The following PCDHA6 variants were observed in gnomAD, a reference collection of about 807,000 sequenced individuals.
PCDHA6 encodes protocadherin alpha-6.
PCDHA6 carries 55 observed loss-of-function variants against 60.3 expected under a neutral mutation model. That is an observed-to-expected ratio of 0.91 (90% CI 0.73 to 1.14). The LOEUF (loss-of-function observed/expected upper bound fraction) is 1.14. PCDHA6 is among the 50% of genes most tolerant of loss of function. The pLI is 0.00. For synonymous variants in PCDHA6, 652 were observed against 557.9 expected (o/e 1.17, Z -2.38); for missense variants, 1,327 against 1,256.5 (o/e 1.06, Z -0.85).
intron 1 of PCDHA6, among the ~76,000 whole-genome samples, chr5:140,942,271 A>G (rs1421470016): frequency 6.6e-6 from 1 of 152,184 alleles, no homozygotes; most frequent in Non-Finnish European, 1.5e-5. Context: ...AAAGCTGGTA[A>G]TGGTGGCTCA....
rs1395280300 is a variant in PCDHA6, at chr5:140,857,152, T to C, written c.2394+26667T>C. ...AAGATGCTCAAGTGGGCACCGTCAT[T>C]GCCCTAATCAGCGTTTCTGACCATG... On this transcript the variant is annotated intron_variant, in intron 1 of 3. Coordinates refer to ENST00000529310, the MANE Select transcript of PCDHA6 (RefSeq NM_018909.4). The C allele has an allele frequency of 3.8e-6, 6 of 1,598,324 alleles. 1 individual carries two copies. In the Admixed American group the frequency reaches 8.4e-5, roughly 22 times the overall value.
chr5:140,843,262 G>T (rs2150356218), intron 1 of PCDHA6: 4 of 1,596,090 alleles, frequency 2.5e-6, no homozygotes, highest in Admixed American at 1.7e-5. Flanking sequence ...GCCACCGTCT[G>T]CTGGTCCTGG....
rs2096268798 is a variant in PCDHA6 at position 140,968,765 on chromosome 5, G to A, written c.2395-10184G>A. 8.1e-6 allele frequency: 13 copies of A among 1,614,078 alleles called. No homozygotes were observed. The East Asian group carries it at 2.2e-4, about 28-fold the overall frequency. On this transcript the variant is annotated intron_variant, in intron 1 of 3. Transcript: ENST00000529310. Reference sequence around the variant, plus strand: ...GACCGTGGTGGTCCGAGATAATGGAGAGCCATCACTATCAGCCTCTGTGGC... The same window carrying A: ...GACCGTGGTGGTCCGAGATAATGGAAAGCCATCACTATCAGCCTCTGTGGC...
In PCDHA6 at chr5:140,900,301, C is replaced by CAG. The variant is rs1168626144; in HGVS notation, c.2394+69817_2394+69818dup. Among the ~76,000 whole-genome samples the CAG allele has an allele frequency of 1.4e-4, 22 of 152,156 alleles. No homozygotes were observed. The East Asian group carries it at 4.1e-3, about 28-fold the overall frequency. On this transcript the variant is annotated intron_variant, in intron 1 of 3. Coordinates refer to ENST00000529310, the MANE Select transcript of PCDHA6 (RefSeq NM_018909.4). ...ACACTTTCTTTTCTGTTTTTTTAGACAGTCTCACTTTTGTCGCCCAGGCTG... is the reference window on the plus strand; with the variant it reads ...ACACTTTCTTTTCTGTTTTTTTAGACAGAGTCTCACTTTTGTCGCCCAGGCTG...
chr5:140,970,881 C>T (rs1316692542), intron 1 of PCDHA6, among the ~76,000 whole-genome samples: 1 of 152,050 alleles, frequency 6.6e-6, no homozygotes, highest in Non-Finnish European at 1.5e-5. Flanking sequence ...GTAGATTTTT[C>T]TCATGGACAT....
Position 140,876,990 on chromosome 5 carries a change from C to T in PCDHA6, c.2394+46505C>T, listed in dbSNP as rs374520504. The T allele has an allele frequency of 2.2e-5, 35 of 1,612,500 alleles. No individual in the cohort carries two copies. In the South Asian group the frequency reaches 2.9e-4, roughly 13 times the overall value. On this transcript the variant is annotated intron_variant, in intron 1 of 3. Coordinates refer to ENST00000529310, the MANE Select transcript of PCDHA6 (RefSeq NM_018909.4). ...GGGTGGGCGAGCACGCACTGTCGAG[C>T]TACGTGTCGGTGCACGCGGAGAGCG... is the stretch of plus-strand genomic sequence containing the variant.
intron 1 of PCDHA6, chr5:140,843,324 C>T: frequency 6.3e-7 from 1 of 1,596,010 alleles, no homozygotes; most frequent in Non-Finnish European, 8.6e-7. Flanking sequence ...GTTCTGGTGT[C>T]GCTGGTGGAG....
At position 140,883,814 on chromosome 5, in the gene PCDHA6, A is replaced by C. The variant is rs782678422; in HGVS notation, c.2394+53329A>C. 6.2e-7 allele frequency: 1 copy of C among 1,612,478 alleles called. No homozygotes were observed. ...CGTGTCGGTGCACGCGGAGAGCGGC[A>C]AGGTGTACGCGCTGCAGCCGTTGGA... On this transcript the variant is annotated intron_variant, in intron 1 of 3. Coordinates refer to ENST00000529310, the MANE Select transcript of PCDHA6 (RefSeq NM_018909.4).
chr5:140,925,878 ACCT>A (rs1554202987), intron 1 of PCDHA6, among the ~76,000 whole-genome samples: 1 of 151,658 alleles, frequency 6.6e-6, no homozygotes. Flanking sequence ...CTGGTTTATA[ACCT>A]CCTCTTTCAC....
chr5:140,857,861 T>A lies in PCDHA6; in HGVS notation c.2394+27376T>A, dbSNP rs890760526. 6.3e-7 allele frequency: 1 copy of A among 1,597,494 alleles called. No homozygotes were observed. The highest frequency in any genetic ancestry group is 2.2e-5 in the East Asian group (1 of 44,806). ...GGACGCTGACTCTGGATACAACGCGTGGCTGTCGTATGAATTGCAGTCGGC... is the reference window on the plus strand; with the variant it reads ...GGACGCTGACTCTGGATACAACGCGAGGCTGTCGTATGAATTGCAGTCGGC... On this transcript the variant is annotated intron_variant, in intron 1 of 3. Transcript: ENST00000529310.
chr5:140,890,096 C>T (rs967857035), intron 1 of PCDHA6, among the ~76,000 whole-genome samples: 1 of 152,124 alleles, frequency 6.6e-6, no homozygotes, highest in Non-Finnish European at 1.5e-5. Flanking sequence ...AAATTTATTC[C>T]CAACTCTGGA....
At chr5:140,852,799 C>A in intron 1 of PCDHA6, 3 of 976,698 alleles carry the variant, frequency 3.1e-6, no homozygotes, top group Non-Finnish European at 3.7e-6. Context: ...CTACAGATGT[C>A]ATTTGTCTCC....
chr5:140,882,998 C>T, intron 1 of PCDHA6: 1 of 1,614,066 alleles, frequency 6.2e-7, no homozygotes. Context: ...GGAATTTTAC[C>T]AATCCGTTTA....
At chr5:140,967,942 A>G in intron 1 of PCDHA6, 1 of 1,614,226 alleles carries the variant, frequency 6.2e-7, no homozygotes, top group Non-Finnish European at 8.5e-7. Context: ...TCAATGACCA[A>G]GACTCAGGCC....
At chr5:140,997,762 A>G (rs2097784598) in intron 3 of PCDHA6, among the ~76,000 whole-genome samples, 1 of 152,118 alleles carries the variant, frequency 6.6e-6, no homozygotes, top group Non-Finnish European at 1.5e-5. Context: ...GAGTAAGGAT[A>G]TAGCACTATG....
intron 1 of PCDHA6, among the ~76,000 whole-genome samples, chr5:140,959,596 A>G (rs2095498979): frequency 6.6e-6 from 1 of 152,224 alleles, no homozygotes; most frequent in Non-Finnish European, 1.5e-5. Flanking sequence ...AGCCAAGTAT[A>G]ACATGCTTTT....
At chr5:140,875,588 C>T in intron 1 of PCDHA6, 1 of 1,613,954 alleles carries the variant, frequency 6.2e-7, no homozygotes, top group Non-Finnish European at 8.5e-7. Flanking sequence ...TACGAGGAGG[C>T]CAAACACGGC....
intron 1 of PCDHA6, among the ~76,000 whole-genome samples, chr5:140,833,058 A>G (rs2150205885): frequency 6.6e-6 from 1 of 152,354 alleles, no homozygotes; most frequent in Non-Finnish European, 1.5e-5. Context: ...AAGTAATATG[A>G]GAAAAACCTT....
chr5:140,829,411 C>A lies in PCDHA6; in HGVS notation c.1320C>A (p.Ser440Arg). Residue 440 changes from serine (S) to arginine (R), a missense_variant, in exon 1 of 4, where the codon AGC becomes AGA. By Grantham distance (110) the Ser-to-Arg change is moderately radical. Coordinates refer to ENST00000529310, the MANE Select transcript of PCDHA6 (RefSeq NM_018909.4). ...GGSPSLWATASLSVEVADMND... is the reference protein window; with the variant it reads ...GGSPSLWATARLSVEVADMND... The stretch of plus-strand genomic sequence containing the variant: ...CGCCTTCGCTGTGGGCCACCGCCAG[C>A]TTGTCTGTGGAGGTGGCCGACATGA... 1 of 1,614,148 alleles carries A rather than the reference C, an allele frequency of 6.2e-7. No individual in the cohort carries two copies. The highest frequency in any genetic ancestry group is 8.5e-7 in the Non-Finnish European group (1 of 1,180,046).
Sources: allele counts gnomAD v4.1 joint callset (sites outside exome capture counted in the v4.1 genomes callset), GRCh38; gene constraint gnomAD v4.1.1; transcripts MANE v1.5; gene names NCBI Gene and HGNC (gene_info 2026-07-23, HGNC 2026-07-21).